Variants in ANKRD30BL observed in about 807,000 individuals in gnomAD.
ANKRD30BL encodes putative ankyrin repeat domain-containing protein 30B-like.
A neutral mutation model predicts 18.4 loss-of-function variants in ANKRD30BL; 20 were observed. The observed-to-expected ratio is 1.09, with a 90% CI of 0.77 to 1.58. ANKRD30BL has a LOEUF of 1.58. Among genes scored for constraint, ANKRD30BL ranks in the 40% most tolerant of loss-of-function variants. The pLI is 0.00. For missense variants in ANKRD30BL, 224 were observed against 268.6 expected (o/e 0.83, Z 1.16); for synonymous variants, 72 against 100.9 (o/e 0.71, Z 1.72).
chr2:132,164,790 G>A (rs1688156031), upstream of ANKRD30BL, among the ~76,000 whole-genome samples: 1 of 152,148 alleles, frequency 6.6e-6, no homozygotes, highest in African/African-American at 2.4e-5. Context: ...AACAAATGCA[G>A]GCCAGGTGCA....
chr2:132,148,815 T>C (rs532938303), intron 5 of ANKRD30BL, among the ~76,000 whole-genome samples: 1 of 152,058 alleles, frequency 6.6e-6, no homozygotes, highest in African/African-American at 2.4e-5. Flanking sequence ...AAGTAGTAAA[T>C]AATAAAAAAG....
chr2:132,179,532 T>G (rs10166981), intron 1 of ANKRD30BL, among the ~76,000 whole-genome samples: 54,774 of 149,228 alleles, frequency 0.37, 9,229 homozygotes, highest in South Asian at 0.44. Flanking sequence ...CAAGTGATCC[T>G]CCCGCCTCAG....
intron 1 of ANKRD30BL, among the ~76,000 whole-genome samples, chr2:132,176,527 C>T (rs945535393): frequency 6.6e-6 from 1 of 152,114 alleles, no homozygotes; most frequent in Non-Finnish European, 1.5e-5. Context: ...AGGAGAATCA[C>T]TTGGACCTGG....
chr2:132,211,603 T>G (rs1324130571), intron 1 of ANKRD30BL, among the ~76,000 whole-genome samples: 1 of 151,966 alleles, frequency 6.6e-6, no homozygotes, highest in South Asian at 2.1e-4. Context: ...GTGAGAAACT[T>G]CTTTTTGATG....
intron 1 of ANKRD30BL, among the ~76,000 whole-genome samples, chr2:132,243,757 C>T (rs1573886177): frequency 6.6e-6 from 1 of 152,092 alleles, no homozygotes; most frequent in Admixed American, 6.6e-5. Flanking sequence ...AAGACAGAAG[C>T]ATTCTCAGAA....
chr2:132,237,109 A>C (rs1226302636), intron 1 of ANKRD30BL, among the ~76,000 whole-genome samples: 1 of 150,444 alleles, frequency 6.6e-6, no homozygotes, highest in South Asian at 2.1e-4. Context: ...GGAACATCAT[A>C]CTCTGGGGAA....
chr2:132,246,418 C>T (rs552753859), intron 1 of ANKRD30BL, among the ~76,000 whole-genome samples: 43 of 151,708 alleles, frequency 2.8e-4, no homozygotes, highest in African/African-American at 8.9e-4. Flanking sequence ...GTAGAATTTA[C>T]AAGTGGATAT....
At chr2:132,149,577 T>C (rs1348054173) in intron 5 of ANKRD30BL, among the ~76,000 whole-genome samples, 1 of 152,218 alleles carries the variant, frequency 6.6e-6, no homozygotes, top group Non-Finnish European at 1.5e-5. Flanking sequence ...ATGTTAATTC[T>C]TATTGACATT....
intron 1 of ANKRD30BL, among the ~76,000 whole-genome samples, chr2:132,200,064 C>T (rs1331955564): frequency 6.6e-6 from 1 of 152,022 alleles, no homozygotes; most frequent in African/African-American, 2.4e-5. Flanking sequence ...ACAAAAACCA[C>T]GTGAAAAGGT....
At chr2:132,186,359 G>T (rs200116624) in intron 1 of ANKRD30BL, among the ~76,000 whole-genome samples, 3 of 152,008 alleles carry the variant, frequency 2.0e-5, no homozygotes, top group African/African-American at 7.2e-5. Flanking sequence ...CATTCAAAAA[G>T]CATAAAGTGA....
intron 5 of ANKRD30BL, among the ~76,000 whole-genome samples, chr2:132,150,133 T>C (rs7598272): frequency 0.28 from 43,184 of 151,928 alleles, 9,580 homozygotes; most frequent in African/African-American, 0.6. Flanking sequence ...ATTCTAATTT[T>C]CTGAATGCAA....
intron 1 of ANKRD30BL, among the ~76,000 whole-genome samples, chr2:132,220,332 CTCCCTCTCCCTCTCCCTG>C: frequency 6.2e-5 from 6 of 96,732 alleles, no homozygotes; most frequent in African/African-American, 2.8e-4. Flanking sequence ...CCCTGTCCCT[CTCCCTCTCCCTCTCCCTG>C]TCCCTCTCCC....
intron 1 of ANKRD30BL, among the ~76,000 whole-genome samples, chr2:132,217,766 C>T (rs149039814): frequency 4.8e-4 from 73 of 152,252 alleles, no homozygotes; most frequent in African/African-American, 8.9e-4. Context: ...TCATTGGAAA[C>T]GGGTATATCT....
intron 1 of ANKRD30BL, among the ~76,000 whole-genome samples, chr2:132,252,186 G>C (rs62164983): frequency 4.6e-5 from 7 of 151,968 alleles, no homozygotes; most frequent in African/African-American, 1.7e-4. Context: ...TTGCCTACCA[G>C]TTACAATTGA....
chr2:132,157,018 C>G lies in ANKRD30BL; in HGVS notation c.462G>C (p.Val154=), dbSNP rs1359879977. 5.2e-6 allele frequency: 7 copies of G among 1,344,220 alleles called. No individual in the cohort carries two copies. The Admixed American group carries it at 7.7e-5, about 15-fold the overall frequency. The allele number at this position is 1,344,220 out of a possible 1,614,324, so 83.3% of individuals were successfully genotyped here. The change falls in exon 3 of 6, where the codon GTG becomes GTC. Residue 154 remains valine (V), a synonymous_variant. Coordinates refer to ENST00000409867, the MANE Select transcript of ANKRD30BL (RefSeq NM_001358416.1). ...YAVNSENLSV[V]AKLLSCGADI... is the part of the protein sequence containing the mutation. ...CTGCACCACAGGACAGCAATTTTGC[C>G]ACCACTGACAAATTCTCACTGTTAA...
At chr2:132,195,771 A>C (rs924488754) in intron 1 of ANKRD30BL, among the ~76,000 whole-genome samples, 2 of 145,660 alleles carry the variant, frequency 1.4e-5, no homozygotes, top group African/African-American at 5.2e-5. Flanking sequence ...AACCTGGGCA[A>C]CAGAGTGAGC....
chr2:132,249,406 G>A (rs1382886402), intron 1 of ANKRD30BL, among the ~76,000 whole-genome samples: 1 of 152,128 alleles, frequency 6.6e-6, no homozygotes. Flanking sequence ...TCAACTCTGT[G>A]AAATGAAGTC....
chr2:132,204,061 C>T (rs1679161982), intron 1 of ANKRD30BL, among the ~76,000 whole-genome samples: 1 of 152,132 alleles, frequency 6.6e-6, no homozygotes, highest in Non-Finnish European at 1.5e-5. Context: ...TCTGGTGCTC[C>T]AGGAATTTAA....
chr2:132,218,266 C>T (rs559007047), intron 1 of ANKRD30BL, among the ~76,000 whole-genome samples: 117 of 151,864 alleles, frequency 7.7e-4, no homozygotes, highest in Middle Eastern at 7.0e-3. Flanking sequence ...TGCTTTGAGG[C>T]CTTCTTTGGA....
Sources: gnomAD v4.1 joint callset for allele counts (sites outside exome capture counted in the v4.1 genomes callset) on GRCh38, gnomAD v4.1.1 for gene constraint, MANE v1.5 for transcripts, NCBI Gene and HGNC (gene_info 2026-07-23, HGNC 2026-07-21) for gene names.